ORC5: variants seen among roughly 807,000 people sequenced by gnomAD.
ORC5 encodes the protein origin recognition complex subunit 5.
Under a neutral mutation model 58.8 loss-of-function variants are expected in ORC5, and 39 were observed. The ratio of observed to expected loss-of-function variants is 0.66; its 90% CI spans 0.51 to 0.87. The LOEUF (loss-of-function observed/expected upper bound fraction) is 0.87, where lower values mean the gene tolerates loss of function less well. Among genes scored for constraint, ORC5 ranks in the 40% least tolerant of loss-of-function variants. ORC5 has a pLI of 0.00. For synonymous variants in ORC5, 218 were observed against 177.6 expected, an observed-to-expected ratio of 1.23 and a Z score of -1.81; for missense variants, 493 against 506.3, an observed-to-expected ratio of 0.97 and a Z score of 0.25.
At chr7:104,168,683 ATAATT>A (rs1484766268) in intron 8 of ORC5, among the ~76,000 whole-genome samples, 158 bp from the exon 9 acceptor site, 12 of 144,608 alleles carry the variant, frequency 8.3e-5, no homozygotes, top group African/African-American at 2.9e-4. Context: ...CCTGTACAAA[ATAATT>A]TAATGTATAT....
At chr7:104,134,416 CAAAAAAAA>C (rs1170848776) in intron 13 of ORC5, among the ~76,000 whole-genome samples, 18 of 51,812 alleles carry the variant, frequency 3.5e-4, no homozygotes, top group Admixed American at 1.4e-3. Flanking sequence ...CACTCCATCT[CAAAAAAAA>C]AAAAAAAAAA....
At chr7:104,181,405 A>G (rs940942015) in intron 8 of ORC5, among the ~76,000 whole-genome samples, 21 of 151,958 alleles carry the variant, frequency 1.4e-4, no homozygotes, top group Admixed American at 1.1e-3. Context: ...ACTAAGTTCA[A>G]TAAGAATTTG....
At chr7:104,177,563 T>A (rs1799347685) in intron 8 of ORC5, among the ~76,000 whole-genome samples, 2 of 152,182 alleles carry the variant, frequency 1.3e-5, no homozygotes, top group African/African-American at 4.8e-5. Flanking sequence ...TGAGAATTAT[T>A]GTTTTTTTAA....
chr7:104,205,635 T>C (rs1562833333), intron 1 of ORC5, among the ~76,000 whole-genome samples: 1 of 152,152 alleles, frequency 6.6e-6, no homozygotes, highest in African/African-American at 2.4e-5. Flanking sequence ...AAAAATAGAC[T>C]AAAAATTTAC....
chr7:104,146,548 G>C (rs1332638554), intron 12 of ORC5, among the ~76,000 whole-genome samples: 3 of 152,112 alleles, frequency 2.0e-5, no homozygotes, highest in African/African-American at 7.2e-5. Flanking sequence ...ACTCAAAGAA[G>C]TTAATTCCCA....
At chr7:104,157,560 C>A (rs997572541) in intron 12 of ORC5, among the ~76,000 whole-genome samples, 5 of 152,038 alleles carry the variant, frequency 3.3e-5, no homozygotes, top group African/African-American at 1.2e-4. Context: ...GTTTTCTTAA[C>A]TGTGTAATAT....
chr7:104,137,686 C>G (rs373804526), intron 12 of ORC5, among the ~76,000 whole-genome samples: 1 of 152,110 alleles, frequency 6.6e-6, no homozygotes, highest in East Asian at 1.9e-4. Context: ...CCAGCAGATG[C>G]CAGCAGGCCA....
At chr7:104,194,949 T>TC (rs547946871) in intron 5 of ORC5, among the ~76,000 whole-genome samples, 194 bp downstream of exon 5, 16,751 of 152,060 alleles carry the variant, frequency 0.11, 1,633 homozygotes, top group African/African-American at 0.26. Context: ...GATATTCCCA[T>TC]TTGAATGGCA....
At chr7:104,140,168 AAC>A (rs1334056846) in intron 12 of ORC5, among the ~76,000 whole-genome samples, 1 of 152,072 alleles carries the variant, frequency 6.6e-6, no homozygotes, top group African/African-American at 2.4e-5. Context: ...CTCAATTTAA[AAC>A]AGTTCTCATG....
intron 8 of ORC5, among the ~76,000 whole-genome samples, chr7:104,169,667 G>A (rs1799175112): frequency 6.6e-6 from 1 of 152,160 alleles, no homozygotes; most frequent in African/African-American, 2.4e-5. Flanking sequence ...GAACAGGGTG[G>A]AAGTGATAAG....
Position 104,136,137 on chromosome 7 carries a change from T to C in ORC5, c.1262+644A>G, listed in dbSNP as rs1798584283. ...CTAGAATTACTCAGAATTAGCTTCA[T>C]TCATTTTGCACGACAGCCCCTGAAA... On this transcript the variant is annotated intron_variant, in intron 13 of 13. Coordinates refer to ENST00000297431, the MANE Select transcript of ORC5 (RefSeq NM_002553.4). This position sits in a 1 kb window ranked among gnomAD's most constrained non-coding sequence, Gnocchi z 4.2. 6.6e-6 allele frequency among the ~76,000 whole-genome samples: 1 copy of C among 152,210 alleles called. No homozygotes were observed. Among genetic ancestry groups the C allele is most frequent in the South Asian group, 2.1e-4 (1 of 4,826 alleles).
intron 8 of ORC5, among the ~76,000 whole-genome samples, chr7:104,177,793 A>G (rs1479862800): frequency 6.6e-6 from 1 of 152,058 alleles, no homozygotes; most frequent in Non-Finnish European, 1.5e-5. Context: ...TCATTGTTCA[A>G]CGTCCACTTA....
chr7:104,183,853 TAGAG>T, intron 8 of ORC5, 86 bp downstream of exon 8: 1 of 852,878 alleles, frequency 1.2e-6, no homozygotes, highest in Non-Finnish European at 1.9e-6. Flanking sequence ...CTTTTTCTTT[TAGAG>T]TCCCTCTCTC....
chr7:104,180,663 T>C (rs761540493), intron 8 of ORC5, among the ~76,000 whole-genome samples: 55 of 152,208 alleles, frequency 3.6e-4, no homozygotes, highest in Non-Finnish European at 7.6e-4. Flanking sequence ...ATTGTAAAGA[T>C]ATTAAATGAT....
At chr7:104,179,109 A>ATTTT (rs34769476) in intron 8 of ORC5, among the ~76,000 whole-genome samples, 1 of 138,448 alleles carries the variant, frequency 7.2e-6, no homozygotes, top group Non-Finnish European at 1.6e-5. Flanking sequence ...AGAAAAGTGA[A>ATTTT]TTTTTTTTTT....
intron 9 of ORC5, 36 bp downstream of exon 9, chr7:104,168,437 T>A: frequency 6.2e-7 from 1 of 1,602,180 alleles, no homozygotes; most frequent in Non-Finnish European, 8.5e-7. Flanking sequence ...GCTGAAGAAG[T>A]ATCTCCGGTA....
rs753049365 is a variant in ORC5 at position 104,136,920 on chromosome 7, C to T, written c.1150-27G>A. The T allele has an allele frequency of 1.4e-6, 2 of 1,439,576 alleles. No homozygotes were observed. The highest frequency in any genetic ancestry group is 2.3e-5 in the South Asian group (2 of 87,440). The allele number at this position is 1,439,576 out of a possible 1,614,324, so 89.2% of individuals were successfully genotyped here. On this transcript the variant is annotated intron_variant, in intron 12 of 13. Transcript: ENST00000297431. The surrounding 1 kb of genome is among the most constrained non-coding windows in gnomAD (Gnocchi z 4.2). ...TAAAAGAGAACATTTTTATAAGAAA[C>T]TGTTTTAATAAGATTATGTAATACT...
In ORC5 at chr7:104,136,682, T is replaced by C. The variant is rs951970310; in HGVS notation, c.1262+99A>G. 2 of 733,974 alleles carry C rather than the reference T, an allele frequency of 2.7e-6. No individual in the cohort carries two copies. Among genetic ancestry groups the C allele is most frequent in the East Asian group, 2.7e-5 (1 of 37,270 alleles). 45.5% of individuals were successfully genotyped at this position (733,974 alleles called of 1,614,324 possible). ...TATTCATTCTTGGCACTTAAATAGA[T>C]GATTTTTTCATGTTTAAATGTCATG... is the stretch of plus-strand genomic sequence containing the variant. On this transcript the variant is annotated intron_variant, in intron 13 of 13. Coordinates refer to ENST00000297431, the MANE Select transcript of ORC5 (RefSeq NM_002553.4). This position sits in a 1 kb window ranked among gnomAD's most constrained non-coding sequence, Gnocchi z 4.2.
intron 2 of ORC5, chr7:104,202,251 T>C (rs551423239): frequency 8.3e-5 from 16 of 192,016 alleles, no homozygotes; most frequent in East Asian, 1.5e-4. Flanking sequence ...CTGAGGAAGA[T>C]AACTTGTGGC....
Sources: gnomAD v4.1 joint callset for allele counts (sites outside exome capture counted in the v4.1 genomes callset) on GRCh38, gnomAD v4.1.1 for gene constraint, Gnocchi (gnomAD v3.1) non-coding constraint, MANE v1.5 for transcripts, NCBI Gene and HGNC (gene_info 2026-07-23, HGNC 2026-07-21) for gene names.